The following PDCD1LG2 variants were observed in gnomAD, a reference collection of about 807,000 sequenced individuals.
The protein encoded by PDCD1LG2 is programmed cell death 1 ligand 2, also known as B7 dendritic cell molecule.
PDCD1LG2 carries 32 observed loss-of-function variants against 28.2 expected under a neutral mutation model. The observed-to-expected ratio is 1.13, with a 90% confidence interval of 0.86 to 1.52. The LOEUF is 1.52. Among genes scored for constraint, PDCD1LG2 ranks in the 40% most tolerant of loss-of-function variants. The pLI, the probability that PDCD1LG2 is intolerant of heterozygous loss-of-function variation, is 0.00. For synonymous variants in PDCD1LG2, 116 were observed against 120.2 expected, an observed-to-expected ratio of 0.97 and a Z score of 0.23; for missense variants, 385 against 323.8, an observed-to-expected ratio of 1.19 and a Z score of -1.45.
chr9:5,544,437 G>C lies in PDCD1LG2; in HGVS notation c.362-4898G>C, dbSNP rs529131357. Among the ~76,000 whole-genome samples the C allele has an allele frequency of 5.4e-4, 82 of 152,282 alleles. 1 individual carries two copies. The highest frequency in any genetic ancestry group is 1.9e-3 in the African/African-American group (79 of 41,544). ...CTGCTGGAGAGGCCACAAAAGTATAGAGCATAGGGGAGAAATACCTTCCCT... is the reference window on the plus strand; with the variant it reads ...CTGCTGGAGAGGCCACAAAAGTATACAGCATAGGGGAGAAATACCTTCCCT... On this transcript the variant is annotated intron_variant, in intron 3 of 6. Transcript: ENST00000397747.
chr9:5,522,741 CAAA>C, intron 2 of PDCD1LG2, 140 bp downstream of exon 2: 1 of 499,294 alleles, frequency 2.0e-6, no homozygotes. Context: ...CCAAGCACCA[CAAA>C]AAAAAAAAGA....
chr9:5,510,681 G>T lies in PDCD1LG2; in HGVS notation c.-137G>T, dbSNP rs1222052858. On this transcript the variant is annotated 5_prime_UTR_variant, in exon 1 of 7. Transcript: ENST00000397747. Reference sequence around the variant, plus strand: ...GGGTTGGAGCTACTGCATGTTGATTGTTTTGTTTTTCCTTTTGGCTGTTCA... The same window carrying T: ...GGGTTGGAGCTACTGCATGTTGATTTTTTTGTTTTTCCTTTTGGCTGTTCA... 1.3e-5 allele frequency: 2 copies of T among 152,622 alleles called. No individual in the cohort carries two copies. Among genetic ancestry groups the T allele is most frequent in the Non-Finnish European group, 2.9e-5 (2 of 68,030 alleles). 9.5% of individuals were successfully genotyped at this position (152,622 alleles called of 1,614,324 possible). A position where few individuals can be genotyped will look rare whatever the true frequency, so the allele number is the denominator to read the frequency against.
chr9:5,538,080 A>G (rs1178845489), intron 3 of PDCD1LG2, among the ~76,000 whole-genome samples: 1 of 152,238 alleles, frequency 6.6e-6, no homozygotes, highest in Non-Finnish European at 1.5e-5. Context: ...GTGAGTTTCA[A>G]TGAATGAAAA....
At chr9:5,521,576 A>G (rs1459442654) in intron 1 of PDCD1LG2, among the ~76,000 whole-genome samples, 1 of 152,114 alleles carries the variant, frequency 6.6e-6, no homozygotes, top group East Asian at 1.9e-4. Context: ...CACTGCTTGT[A>G]ATCTTGCCAG....
At chr9:5,550,904 G>A (rs1360886947) in intron 4 of PDCD1LG2, among the ~76,000 whole-genome samples, 2 of 152,084 alleles carry the variant, frequency 1.3e-5, no homozygotes, top group African/African-American at 2.4e-5. Context: ...TGTTGGCCAG[G>A]CTGGTCTCAA....
intron 6 of PDCD1LG2, among the ~76,000 whole-genome samples, chr9:5,563,775 G>A (rs1371804474): frequency 6.6e-6 from 1 of 152,162 alleles, no homozygotes; most frequent in African/African-American, 2.4e-5. Context: ...AATGTGTAGG[G>A]CAGGCCAGCA....
intron 1 of PDCD1LG2, among the ~76,000 whole-genome samples, chr9:5,521,880 C>G (rs1295426831): frequency 6.6e-6 from 1 of 152,134 alleles, no homozygotes; most frequent in Non-Finnish European, 1.5e-5. Flanking sequence ...ATAAAGAAAG[C>G]TTCAGAGTAA....
At chr9:5,548,476 T>A (rs941256169) in intron 3 of PDCD1LG2, among the ~76,000 whole-genome samples, 6 of 152,242 alleles carry the variant, frequency 3.9e-5, no homozygotes, top group African/African-American at 1.2e-4. Flanking sequence ...TACAGATATC[T>A]CTTCAACATA....
chr9:5,566,114 C>CTG (rs1816660966), intron 6 of PDCD1LG2, among the ~76,000 whole-genome samples: 1 of 105,198 alleles, frequency 9.5e-6, no homozygotes, highest in African/African-American at 6.3e-5. Flanking sequence ...CTCTAGGCTG[C>CTG]CCGGGAGCCA....
intron 3 of PDCD1LG2, among the ~76,000 whole-genome samples, chr9:5,538,344 T>A (rs1347594341): frequency 6.6e-6 from 1 of 152,060 alleles, no homozygotes; most frequent in Non-Finnish European, 1.5e-5. Context: ...ATGCATATAT[T>A]TTTTTTCTTG....
intron 2 of PDCD1LG2, among the ~76,000 whole-genome samples, chr9:5,532,756 G>T (rs1820506802): frequency 6.6e-6 from 1 of 152,152 alleles, no homozygotes; most frequent in South Asian, 2.1e-4. Flanking sequence ...ATAAAGATTG[G>T]CCATGCATTC....
intron 6 of PDCD1LG2, among the ~76,000 whole-genome samples, chr9:5,568,260 G>A (rs181492208): frequency 5.2e-4 from 79 of 152,290 alleles, no homozygotes; most frequent in Admixed American, 1.2e-3. Context: ...GCCGCAGACC[G>A]GTACCAGTGG....
At chr9:5,523,281 C>A (rs188246542) in intron 2 of PDCD1LG2, among the ~76,000 whole-genome samples, 1 of 152,294 alleles carries the variant, frequency 6.6e-6, no homozygotes, top group African/African-American at 2.4e-5. Flanking sequence ...GTAGTTAGAA[C>A]CATGAGTGCA....
intron 2 of PDCD1LG2, among the ~76,000 whole-genome samples, chr9:5,529,651 T>C (rs1020584947): frequency 2.0e-5 from 3 of 152,210 alleles, no homozygotes; most frequent in Non-Finnish European, 4.4e-5. Context: ...TCTTTTTTCA[T>C]TGATGTTTTT....
chr9:5,543,355 C>T (rs978443735), intron 3 of PDCD1LG2, among the ~76,000 whole-genome samples: 9 of 151,980 alleles, frequency 5.9e-5, no homozygotes, highest in East Asian at 1.9e-4. Context: ...CTGGCTAACA[C>T]GGTGAAACCC....
chr9:5,562,165 G>A (rs1048655851), intron 5 of PDCD1LG2, among the ~76,000 whole-genome samples: 2 of 152,164 alleles, frequency 1.3e-5, no homozygotes, highest in Admixed American at 1.3e-4. Context: ...CAGAGTGGGA[G>A]GGAATATGTG....
intron 5 of PDCD1LG2, among the ~76,000 whole-genome samples, chr9:5,561,851 T>C (rs184470152): frequency 3.9e-5 from 6 of 152,234 alleles, no homozygotes; most frequent in African/African-American, 1.4e-4. Context: ...AATATGCTGG[T>C]TTATGGTTAC....
At chr9:5,531,539 C>G (rs1005533632) in intron 2 of PDCD1LG2, among the ~76,000 whole-genome samples, 1 of 152,192 alleles carries the variant, frequency 6.6e-6, no homozygotes, top group Non-Finnish European at 1.5e-5. Context: ...ATGCCTATCA[C>G]TCCTGGCACG....
At chr9:5,537,785 C>A (rs1005681999) in intron 3 of PDCD1LG2, among the ~76,000 whole-genome samples, 2 of 151,990 alleles carry the variant, frequency 1.3e-5, no homozygotes, top group Non-Finnish European at 2.9e-5. Context: ...TGTTTAATGA[C>A]AAGTTAATGG....
Sources: gnomAD v4.1 joint callset for allele counts (sites outside exome capture counted in the v4.1 genomes callset) on GRCh38, gnomAD v4.1.1 for gene constraint, MANE v1.5 for transcripts, NCBI Gene and HGNC (gene_info 2026-07-23, HGNC 2026-07-21) for gene names.